GDAP1: variants seen among roughly 807,000 people sequenced by gnomAD.
GDAP1 encodes the protein ganglioside induced differentiation associated protein 1.
A neutral mutation model predicts 40.1 loss-of-function variants in GDAP1; 34 were observed. The observed-to-expected ratio is 0.85, with a 90% CI of 0.64 to 1.13. The LOEUF (loss-of-function observed/expected upper bound fraction) is 1.13. Among genes scored for constraint, GDAP1 ranks in the 50% most tolerant of loss-of-function variants. The pLI is 0.00. For missense variants in GDAP1, 374 were observed against 433.7 expected, an observed-to-expected ratio of 0.86 and a Z score of 1.22; for synonymous variants, 170 against 157.4, an observed-to-expected ratio of 1.08 and a Z score of -0.60.
intron 2 of GDAP1, among the ~76,000 whole-genome samples, chr8:74,485,351 T>C (rs1806763525): frequency 6.6e-6 from 1 of 152,128 alleles, no homozygotes. Context: ...ACAAATGAAA[T>C]AGAGTGACCA....
At chr8:74,350,704 C>G in intron 1 of GDAP1, 126 bp downstream of exon 1, 1 of 750,650 alleles carries the variant, frequency 1.3e-6, no homozygotes, top group Non-Finnish European at 2.4e-6. Flanking sequence ...TGACCCCGGG[C>G]AGGCGCTCCC....
At chr8:74,438,972 A>T (rs1342019792) in intron 2 of GDAP1, among the ~76,000 whole-genome samples, 1 of 152,004 alleles carries the variant, frequency 6.6e-6, no homozygotes, top group Admixed American at 6.6e-5. Context: ...ACGTTCTTTA[A>T]ACATGTGGCT....
chr8:74,382,651 AT>A (rs1809971691), intron 2 of GDAP1, among the ~76,000 whole-genome samples: 1 of 152,130 alleles, frequency 6.6e-6, no homozygotes, highest in South Asian at 2.1e-4. Flanking sequence ...TACTGAATAC[AT>A]GACTTAGATC....
At position 74,360,215 on chromosome 8, in the gene GDAP1, C is replaced by T. The variant is rs147295250; in HGVS notation, c.389C>T (p.Ser130Phe). ...CAACATTACCGAGAGCTGCTTGACTCCTTGCCAATGGATGCCTATACACAT... is the reference window on the plus strand; with the variant it reads ...CAACATTACCGAGAGCTGCTTGACTTCTTGCCAATGGATGCCTATACACAT... ...RVQHYRELLD[S>F]LPMDAYTHGC... Residue 130 changes from serine (S) to phenylalanine (F), a missense_variant, in exon 3 of 6, where the codon TCC becomes TTC. Physicochemically the swap from Ser to Phe is radical, Grantham distance 155 (BLOSUM62 -2). Coordinates refer to ENST00000220822, the MANE Select transcript of GDAP1 (RefSeq NM_018972.4). The T allele has an allele frequency of 6.2e-7, 1 of 1,613,160 alleles. No homozygotes were observed. The highest frequency in any genetic ancestry group is 8.5e-7 in the Non-Finnish European group (1 of 1,179,242).
In GDAP1 at chr8:74,409,560, C is replaced by T. The variant is rs1290935366; in HGVS notation, c.165+58239C>T. ...TAGAGATGGGGTTTCACCATGTTGG[C>T]CAGCCTGGTGTTGAACTCCTGACTT... On this transcript the variant is annotated intron_variant, in intron 2 of 2. Coordinates refer to the GDAP1 transcript ENST00000523640. 9.3e-5 allele frequency among the ~76,000 whole-genome samples: 14 copies of T among 149,892 alleles called. 1 individual carries two copies. Among genetic ancestry groups the T allele is most frequent in the Non-Finnish European group, 1.8e-4 (12 of 68,022 alleles).
intron 2 of GDAP1, among the ~76,000 whole-genome samples, chr8:74,375,572 A>G (rs1460869674): frequency 6.6e-6 from 1 of 152,222 alleles, no homozygotes; most frequent in Non-Finnish European, 1.5e-5. Flanking sequence ...AAGATTTGAT[A>G]AAATTCAGCA....
chr8:74,373,473 A>G lies in GDAP1; in HGVS notation c.165+22152A>G, dbSNP rs527944239. Among the ~76,000 whole-genome samples, 559 of 152,278 alleles carry G rather than the reference A, an allele frequency of 3.7e-3. 1 individual carries two copies. The highest frequency in any genetic ancestry group is 0.013 in the African/African-American group (533 of 41,536). On this transcript the variant is annotated intron_variant, in intron 2 of 2. Coordinates refer to the GDAP1 transcript ENST00000523640. ...AGTTCTCCTTGAAGAGGTCCTTCAC[A>G]TCCCTTGTAAATTGGATTCCTAGGT...
rs1809611700 is a variant in GDAP1 at position 74,365,952 on chromosome 8, T to G, written c.*1585T>G. The stretch of plus-strand genomic sequence containing the variant: ...GTATTCATTAGAGCCATAGAAGTTA[T>G]TATTCATTAGTTCATAGTGTTTGAG... On this transcript the variant is annotated 3_prime_UTR_variant, in exon 6 of 6. Coordinates refer to ENST00000220822, the MANE Select transcript of GDAP1 (RefSeq NM_018972.4). 2 of 452,838 alleles carry G rather than the reference T, an allele frequency of 4.4e-6. No individual in the cohort carries two copies. The highest frequency in any genetic ancestry group is 4.0e-5 in the African/African-American group (2 of 49,942). 28.1% of individuals were successfully genotyped at this position (452,838 alleles called of 1,614,324 possible).
At chr8:74,403,786 A>T (rs552957596) in intron 2 of GDAP1, among the ~76,000 whole-genome samples, 6 of 150,232 alleles carry the variant, frequency 4.0e-5, no homozygotes, top group African/African-American at 1.5e-4. Context: ...CTATGTTTAA[A>T]TGTGAACCTT....
Position 74,366,191 on chromosome 8 carries a change from G to A in GDAP1, c.*1824G>A. The A allele has an allele frequency of 4.4e-6, 2 of 453,904 alleles. No homozygotes were observed. Among genetic ancestry groups the A allele is most frequent in the South Asian group, 3.1e-5 (2 of 64,172 alleles). 28.1% of individuals were successfully genotyped at this position (453,904 alleles called of 1,614,324 possible). ...TATAATTTCCTTGTACAGTTTCTTTGGAAATACGTTAAAGATAGTGGCAAT... is the reference window on the plus strand; with the variant it reads ...TATAATTTCCTTGTACAGTTTCTTTAGAAATACGTTAAAGATAGTGGCAAT... On this transcript the variant is annotated 3_prime_UTR_variant, in exon 6 of 6. Coordinates refer to ENST00000220822, the MANE Select transcript of GDAP1 (RefSeq NM_018972.4).
At chr8:74,436,765 A>C (rs1806093981) in intron 2 of GDAP1, among the ~76,000 whole-genome samples, 2 of 152,032 alleles carry the variant, frequency 1.3e-5, no homozygotes, top group African/African-American at 4.8e-5. Flanking sequence ...CAATCCTTTC[A>C]ATAATTGTCT....
At chr8:74,480,805 G>A (rs753878872) in intron 2 of GDAP1, among the ~76,000 whole-genome samples, 2 of 152,074 alleles carry the variant, frequency 1.3e-5, no homozygotes, top group Non-Finnish European at 2.9e-5. Flanking sequence ...TCTTCACTTT[G>A]GAATAGAAGA....
At chr8:74,464,938 G>A (rs10088057) in intron 2 of GDAP1, among the ~76,000 whole-genome samples, 97,848 of 151,908 alleles carry the variant, frequency 0.64, 31,773 homozygotes, top group South Asian at 0.75. Flanking sequence ...TTAAGCTGTC[G>A]GCCAGGCATG....
chr8:74,406,189 T>C (rs993937120), intron 2 of GDAP1, among the ~76,000 whole-genome samples: 2 of 150,306 alleles, frequency 1.3e-5, no homozygotes, highest in Non-Finnish European at 2.9e-5. Flanking sequence ...TGCTGAGTTG[T>C]AATTCTTAGA....
chr8:74,428,633 ATTTTTTTTT>A (rs1195348725), intron 2 of GDAP1, among the ~76,000 whole-genome samples: 3 of 42,846 alleles, frequency 7.0e-5, no homozygotes, highest in Admixed American at 5.1e-4. Flanking sequence ...CACCCGGCTA[ATTTTTTTTT>A]TTTTTTTTTT....
At chr8:74,415,495 ATG>A (rs1408579133) in intron 2 of GDAP1, among the ~76,000 whole-genome samples, 1 of 149,882 alleles carries the variant, frequency 6.7e-6, no homozygotes, top group Admixed American at 6.6e-5. Flanking sequence ...CCTTTGAAAT[ATG>A]TGGTGGGCTG....
At chr8:74,354,837 T>C (rs1342852233) in intron 2 of GDAP1, among the ~76,000 whole-genome samples, 1 of 152,194 alleles carries the variant, frequency 6.6e-6, no homozygotes, top group Non-Finnish European at 1.5e-5. Flanking sequence ...GTTGATGAGA[T>C]AGAATAAGTG....
intron 2 of GDAP1, among the ~76,000 whole-genome samples, chr8:74,434,075 G>T (rs1348111235): frequency 6.6e-6 from 1 of 152,172 alleles, no homozygotes; most frequent in Non-Finnish European, 1.5e-5. Flanking sequence ...GAATCTTATA[G>T]CTTTCACTGA....
In GDAP1 at chr8:74,437,137, C is replaced by T. The variant is rs186116222; in HGVS notation, c.166-51541C>T. On this transcript the variant is annotated intron_variant, in intron 2 of 2. Transcript: ENST00000523640. ...ACATCCAAATTATACGTTCATGCCT[C>T]GAGTTTCAAATTAATTTTAAAATTC... Among the ~76,000 whole-genome samples, 41 of 152,256 alleles carry T rather than the reference C, an allele frequency of 2.7e-4. No individual in the cohort carries two copies. The East Asian group carries it at 6.9e-3, about 26-fold the overall frequency.
Sources: gnomAD v4.1 joint callset for allele counts (sites outside exome capture counted in the v4.1 genomes callset) on GRCh38, gnomAD v4.1.1 for gene constraint, MANE v1.5 for transcripts, NCBI Gene and HGNC (gene_info 2026-07-23, HGNC 2026-07-21) for gene names.